Variants in CNTNAP2 observed in about 807,000 individuals in gnomAD.
CNTNAP2 encodes contactin-associated protein-like 2.
CNTNAP2 carries 98 observed loss-of-function variants against 155.2 expected under a neutral mutation model. That is an observed-to-expected ratio of 0.63 (90% CI 0.54 to 0.75). The LOEUF is 0.75. CNTNAP2 is among the 30% of genes least tolerant of loss of function. The probability of loss-of-function intolerance (pLI) is 0.00; values close to 1 mark genes in which losing one functional copy is unlikely to be tolerated. For missense variants in CNTNAP2, 1,727 were observed against 1,688.1 expected (o/e 1.02, Z -0.40); for synonymous variants, 651 against 631.2 (o/e 1.03, Z -0.47).
chr7:147,801,934 G>T (rs1244409803), intron 13 of CNTNAP2, among the ~76,000 whole-genome samples: 26 of 151,256 alleles, frequency 1.7e-4, no homozygotes, highest in African/African-American at 5.8e-4. Context: ...CCTGGACGGG[G>T]CGGCTGGCCG....
At chr7:146,627,320 A>G (rs1799436248) in intron 1 of CNTNAP2, among the ~76,000 whole-genome samples, 1 of 152,184 alleles carries the variant, frequency 6.6e-6, no homozygotes. Flanking sequence ...GCCAAACCAT[A>G]TGACTTTCCT....
chr7:147,225,965 A>AAGAAAGAGAGAAAGAAAGAG, intron 8 of CNTNAP2, among the ~76,000 whole-genome samples: 1 of 151,048 alleles, frequency 6.6e-6, no homozygotes, highest in African/African-American at 2.5e-5. Context: ...GAGAGAAAGG[A>AAGAAAGAGAGAAAGAAAGAG]AGAAAGAGAG....
chr7:147,590,280 G>T (rs1017943280), intron 12 of CNTNAP2, among the ~76,000 whole-genome samples: 2 of 151,926 alleles, frequency 1.3e-5, no homozygotes, highest in African/African-American at 4.8e-5. Context: ...ATATGGTTTG[G>T]CTCTGTGTCC....
chr7:147,851,141 C>T (rs1798931259), intron 13 of CNTNAP2, among the ~76,000 whole-genome samples: 1 of 152,164 alleles, frequency 6.6e-6, no homozygotes, highest in Non-Finnish European at 1.5e-5. Context: ...CAAAAGAAGA[C>T]ATTTATGCAG....
At chr7:146,394,281 A>G (rs1795588441) in intron 1 of CNTNAP2, among the ~76,000 whole-genome samples, 1 of 152,108 alleles carries the variant, frequency 6.6e-6, no homozygotes, top group Non-Finnish European at 1.5e-5. Flanking sequence ...GCGCTAGGGG[A>G]GAGGTGGGTA....
intron 1 of CNTNAP2, among the ~76,000 whole-genome samples, chr7:146,376,748 A>T (rs1400458260): frequency 1.3e-5 from 2 of 152,154 alleles, no homozygotes; most frequent in African/African-American, 4.8e-5. Flanking sequence ...GATAATATTA[A>T]GAGGTAGGGA....
rs146640244 is a variant in CNTNAP2 at position 147,597,227 on chromosome 7, G to A, written c.1897+34970G>A. Among the ~76,000 whole-genome samples the A allele has an allele frequency of 5.9e-5, 9 of 152,144 alleles. No individual in the cohort carries two copies. The East Asian group carries it at 1.6e-3, about 26-fold the overall frequency. On this transcript the variant is annotated intron_variant, in intron 12 of 23. Transcript: ENST00000361727. ...GTGCGAGATCCAAGAATCCTCTCTT[G>A]GGGTCTGGATTGGGATCCCTTTCCA... is the stretch of plus-strand genomic sequence containing the variant.
At chr7:147,899,902 A>G (rs117730767) in intron 13 of CNTNAP2, among the ~76,000 whole-genome samples, 44,914 of 149,896 alleles carry the variant, frequency 0.3, 6,939 homozygotes, top group Middle Eastern at 0.42. Context: ...CAAAAAAAAA[A>G]AAAGAAAGAA....
intron 12 of CNTNAP2, among the ~76,000 whole-genome samples, chr7:147,602,505 A>G (rs1247276935): frequency 6.8e-6 from 1 of 146,630 alleles, no homozygotes; most frequent in Non-Finnish European, 1.5e-5. Context: ...TTTTTTTTTA[A>G]TACTTTAAGT....
chr7:146,579,645 T>G (rs909514261), intron 1 of CNTNAP2, among the ~76,000 whole-genome samples: 2 of 152,142 alleles, frequency 1.3e-5, no homozygotes, highest in Admixed American at 6.6e-5. Context: ...TAGTTCATCA[T>G]TCATCATTTC....
intron 14 of CNTNAP2, among the ~76,000 whole-genome samples, chr7:147,908,491 G>T (rs182849604): frequency 2.0e-5 from 3 of 152,304 alleles, no homozygotes; most frequent in African/African-American, 7.2e-5. Flanking sequence ...GGGAGTCAGA[G>T]CCCCTCCAGG....
intron 1 of CNTNAP2, among the ~76,000 whole-genome samples, chr7:146,296,184 A>G (rs774768223): frequency 4.6e-5 from 7 of 152,154 alleles, no homozygotes; most frequent in Non-Finnish European, 8.8e-5. Flanking sequence ...TTCCAGCAGA[A>G]CAGCGGACCC....
intron 17 of CNTNAP2, among the ~76,000 whole-genome samples, chr7:148,164,340 G>A (rs1315201837): frequency 6.6e-6 from 1 of 151,974 alleles, no homozygotes; most frequent in Admixed American, 6.5e-5. Context: ...ATTGCAACTT[G>A]GGAAGGCCCA....
intron 10 of CNTNAP2, among the ~76,000 whole-genome samples, chr7:147,423,065 G>C (rs1007918504): frequency 6.6e-6 from 1 of 152,182 alleles, no homozygotes; most frequent in Non-Finnish European, 1.5e-5. Flanking sequence ...CTGAATAGCA[G>C]TTGCTAAGAC....
chr7:147,810,735 C>A (rs969092073), intron 13 of CNTNAP2, among the ~76,000 whole-genome samples: 2 of 152,164 alleles, frequency 1.3e-5, no homozygotes, highest in East Asian at 3.9e-4. Flanking sequence ...ATTTCAAATG[C>A]AGTTTTATCT....
At chr7:146,368,476 T>G (rs1191995371) in intron 1 of CNTNAP2, among the ~76,000 whole-genome samples, 2 of 152,152 alleles carry the variant, frequency 1.3e-5, no homozygotes, top group Non-Finnish European at 2.9e-5. Context: ...TGTTTAGAGC[T>G]GGCTCTGCCA....
intron 13 of CNTNAP2, among the ~76,000 whole-genome samples, chr7:147,848,368 G>C (rs34030128): frequency 1.3e-5 from 2 of 150,284 alleles, no homozygotes; most frequent in African/African-American, 4.9e-5. Context: ...TTCCAGGTGC[G>C]TCCGTCACCC....
chr7:148,213,252 C>T (rs1795579296), intron 18 of CNTNAP2, among the ~76,000 whole-genome samples: 2 of 152,166 alleles, frequency 1.3e-5, no homozygotes, highest in Admixed American at 6.5e-5. Flanking sequence ...GCCTGGGGAC[C>T]AGCATTTTAA....
At chr7:148,190,816 T>A (rs1294899071) in intron 18 of CNTNAP2, 1 of 148,744 alleles carries the variant, frequency 6.7e-6, no homozygotes, top group Admixed American at 6.7e-5. Context: ...AGAGTTCTGA[T>A]GCCAAGGGCA....
Sources: allele counts gnomAD v4.1 joint callset (sites outside exome capture counted in the v4.1 genomes callset), GRCh38; gene constraint gnomAD v4.1.1; transcripts MANE v1.5; gene names NCBI Gene and HGNC (gene_info 2026-07-23, HGNC 2026-07-21).